Variants in SLC25A26 observed in about 807,000 individuals in gnomAD.
The protein encoded by SLC25A26 is mitochondrial S-adenosylmethionine carrier protein.
In SLC25A26, 36 loss-of-function variants were observed where a neutral mutation model predicts 37.8. The ratio of observed to expected loss-of-function variants is 0.95; its 90% CI spans 0.73 to 1.26. The LOEUF is 1.26. SLC25A26 is among the 50% of genes most tolerant of loss of function. The pLI is 0.00. For missense variants in SLC25A26, 390 were observed against 331.1 expected (o/e 1.18, Z -1.38); for synonymous variants, 129 against 122.5 (o/e 1.05, Z -0.35).
intron 1 of SLC25A26, among the ~76,000 whole-genome samples, chr3:66,140,557 G>C (rs918266056): frequency 6.6e-6 from 1 of 152,196 alleles, no homozygotes; most frequent in Admixed American, 6.5e-5. Context: ...CATACAGGAT[G>C]CACGCTGAGG....
At chr3:66,141,617 A>T (rs970189566) in intron 1 of SLC25A26, among the ~76,000 whole-genome samples, 3 of 151,708 alleles carry the variant, frequency 2.0e-5, no homozygotes, top group Admixed American at 6.6e-5. Flanking sequence ...GGTTCAAGTG[A>T]TTCTCCTACG....
intron 3 of SLC25A26, among the ~76,000 whole-genome samples, chr3:66,260,195 C>A (rs1017097693): frequency 2.0e-5 from 3 of 152,032 alleles, no homozygotes; most frequent in African/African-American, 7.2e-5. Flanking sequence ...TCCATGCGCC[C>A]CACCCCCCTT....
chr3:66,279,344 T>C (rs1278051021), intron 5 of SLC25A26, among the ~76,000 whole-genome samples: 2 of 152,198 alleles, frequency 1.3e-5, no homozygotes, highest in Non-Finnish European at 2.9e-5. Context: ...CCGCATAGCA[T>C]AGTGGTTCAG....
chr3:66,316,769 T>C (rs190665694), intron 5 of SLC25A26, among the ~76,000 whole-genome samples: 14 of 152,324 alleles, frequency 9.2e-5, no homozygotes, highest in Admixed American at 1.3e-4. Context: ...GCTGTAGGTT[T>C]GGTTTTTTAA....
At chr3:66,332,695 A>C (rs773903779) in intron 5 of SLC25A26, among the ~76,000 whole-genome samples, 8 of 152,150 alleles carry the variant, frequency 5.3e-5, no homozygotes, top group East Asian at 3.9e-4. Flanking sequence ...TACAGGCATG[A>C]GCCACTGTGC....
intron 5 of SLC25A26, among the ~76,000 whole-genome samples, chr3:66,274,221 C>T (rs1457129797): frequency 6.6e-6 from 1 of 151,920 alleles, no homozygotes; most frequent in Non-Finnish European, 1.5e-5. Context: ...AACTGGATCC[C>T]TTCCTTACAC....
At chr3:66,271,496 C>T (rs2073957610) in intron 5 of SLC25A26, among the ~76,000 whole-genome samples, 1 of 152,140 alleles carries the variant, frequency 6.6e-6, no homozygotes, top group African/African-American at 2.4e-5. Context: ...TGAGGCAGTA[C>T]TAACTTTATC....
rs763808466 is a variant in SLC25A26 at position 66,263,394 on chromosome 3, T to G, written c.453+15T>G. On this transcript the variant is annotated intron_variant, in intron 5 of 9. Transcript: ENST00000354883. Reference sequence around the variant, plus strand: ...TTTTAAGAGAGGTAAGTCACTTACTTTCCAATATTGAAGTACGAAAGAATG... The same window carrying G: ...TTTTAAGAGAGGTAAGTCACTTACTGTCCAATATTGAAGTACGAAAGAATG... The G allele has an allele frequency of 8.3e-6, 13 of 1,565,920 alleles. No individual in the cohort carries two copies. The highest frequency in any genetic ancestry group is 1.1e-5 in the Non-Finnish European group (13 of 1,138,462).
intron 6 of SLC25A26, among the ~76,000 whole-genome samples, chr3:66,357,360 G>T (rs78543060): frequency 0.032 from 4,844 of 152,302 alleles, 89 homozygotes; most frequent in South Asian, 0.061. Flanking sequence ...GCTGCAGTGG[G>T]CTGTGATCAC....
chr3:66,270,251 G>A (rs932555688), intron 5 of SLC25A26, among the ~76,000 whole-genome samples: 1 of 152,152 alleles, frequency 6.6e-6, no homozygotes, highest in Non-Finnish European at 1.5e-5. Context: ...AAAGCAGTAA[G>A]TGCTATAATT....
chr3:66,186,807 C>T (rs962556122), intron 1 of SLC25A26, among the ~76,000 whole-genome samples: 3 of 151,974 alleles, frequency 2.0e-5, no homozygotes, highest in Non-Finnish European at 4.4e-5. Flanking sequence ...CACCATGGCC[C>T]TGAGCCTGAC....
At chr3:66,145,181 G>A (rs1374320584) in intron 1 of SLC25A26, among the ~76,000 whole-genome samples, 1 of 152,194 alleles carries the variant, frequency 6.6e-6, no homozygotes, top group Admixed American at 6.5e-5. Flanking sequence ...AGCTATGAGA[G>A]AGGAGCAATG....
intron 5 of SLC25A26, among the ~76,000 whole-genome samples, chr3:66,286,387 G>A (rs2074513229): frequency 6.6e-6 from 1 of 151,972 alleles, no homozygotes; most frequent in South Asian, 2.1e-4. Flanking sequence ...GTGAGGTTTA[G>A]CTCAAAGTTT....
chr3:66,164,822 C>T (rs1372901655), intron 1 of SLC25A26, among the ~76,000 whole-genome samples: 1 of 152,184 alleles, frequency 6.6e-6, no homozygotes, highest in Non-Finnish European at 1.5e-5. Flanking sequence ...AATCAGGGTT[C>T]TCTTCACAAC....
intron 3 of SLC25A26, among the ~76,000 whole-genome samples, chr3:66,250,879 G>A (rs1186140268): frequency 1.3e-5 from 2 of 152,162 alleles, no homozygotes; most frequent in African/African-American, 4.8e-5. Context: ...TGTGGGATAC[G>A]TATAGATAGT....
chr3:66,222,383 T>G (rs2071541081), intron 1 of SLC25A26, among the ~76,000 whole-genome samples: 1 of 152,114 alleles, frequency 6.6e-6, no homozygotes, highest in South Asian at 2.1e-4. Context: ...GGTTTCACCG[T>G]GTTAGCCAGG....
At position 66,147,085 on chromosome 3, in the gene SLC25A26, TCCCCTCC is replaced by T. The variant is rs2070127702; in HGVS notation, c.-354+13104_-354+13110del. ...TTCCCTCCCCTTCCCTTCCCTCCCCTCCCCTCCCCTCCCCTCCCCTCCCCTCCCCTCC... is the reference window on the plus strand; with the variant it reads ...TTCCCTCCCCTTCCCTTCCCTCCCCTCCTCCCCTCCCCTCCCCTCCCCTCC... On this transcript the variant is annotated intron_variant, in intron 1 of 10. Coordinates refer to the SLC25A26 transcript ENST00000676754. Among the ~76,000 whole-genome samples, 38 of 3,634 alleles carry T rather than the reference TCCCCTCC, an allele frequency of 0.01. 2 individuals carry two copies. The East Asian group carries it at 0.29, about 28-fold the overall frequency. 2.4% of individuals were successfully genotyped at this position (3,634 alleles called of 152,430 possible).
intron 5 of SLC25A26, among the ~76,000 whole-genome samples, chr3:66,345,301 A>G (rs1050445622): frequency 6.6e-6 from 1 of 152,008 alleles, no homozygotes; most frequent in Non-Finnish European, 1.5e-5. Flanking sequence ...CGAGCTTCCC[A>G]CTGGCTGCTC....
At chr3:66,208,889 C>CACA (rs1559577313) in intron 1 of SLC25A26, among the ~76,000 whole-genome samples, 12 of 28,686 alleles carry the variant, frequency 4.2e-4, no homozygotes, top group East Asian at 1.3e-3. Context: ...TATATATACA[C>CACA]CTTTATATGG....
Sources: gnomAD v4.1 joint callset for allele counts (sites outside exome capture counted in the v4.1 genomes callset) on GRCh38, gnomAD v4.1.1 for gene constraint, MANE v1.5 for transcripts, NCBI Gene and HGNC (gene_info 2026-07-23, HGNC 2026-07-21) for gene names.